CCDC150: variants seen among roughly 807,000 people sequenced by gnomAD.
The protein encoded by CCDC150 is coiled-coil domain containing 150, also known as coiled-coil domain-containing protein 150.
A neutral mutation model predicts 156.5 loss-of-function variants in CCDC150; 151 were observed. The observed-to-expected ratio is 0.97, with a 90% confidence interval of 0.85 to 1.10. CCDC150 has a LOEUF of 1.10. Ranked by LOEUF, CCDC150 falls within the 50% of genes least tolerant of loss-of-function variation. The pLI is 0.00. For missense variants in CCDC150, 1,312 were observed against 1,268.1 expected, an observed-to-expected ratio of 1.03 and a Z score of -0.53; for synonymous variants, 452 against 429.4, an observed-to-expected ratio of 1.05 and a Z score of -0.65.
At position 196,705,409 on chromosome 2, in the gene CCDC150, G is replaced by A. The variant is rs543403243; in HGVS notation, c.1695+4229G>A. Among the ~76,000 whole-genome samples the A allele has an allele frequency of 3.2e-4, 48 of 152,028 alleles. 1 individual carries two copies. The highest frequency in any genetic ancestry group is 8.3e-4 in the South Asian group (4 of 4,806). ...AACTTTTTGATGGGGTTGTTTTCTT[G>A]TAAATTTGTTTAAGTTCTTTGTAGA... On this transcript the variant is annotated intron_variant, in intron 15 of 27. Transcript: ENST00000389175.
intron 15 of CCDC150, among the ~76,000 whole-genome samples, chr2:196,710,542 G>C (rs1173870527): frequency 6.6e-6 from 1 of 152,166 alleles, no homozygotes; most frequent in Non-Finnish European, 1.5e-5. Flanking sequence ...AGATGAACCA[G>C]GTACCTCTGT....
At chr2:196,644,514 A>G (rs1692420782) in intron 1 of CCDC150, among the ~76,000 whole-genome samples, 1 of 151,484 alleles carries the variant, frequency 6.6e-6, no homozygotes, top group African/African-American at 2.4e-5. Flanking sequence ...GGAATACTAT[A>G]CTGGCTCATG....
chr2:196,689,683 A>C (rs1279768971), intron 13 of CCDC150, among the ~76,000 whole-genome samples: 1 of 151,590 alleles, frequency 6.6e-6, no homozygotes, highest in African/African-American at 2.4e-5. Flanking sequence ...CAATCATGTC[A>C]TCTGCAAACA....
chr2:196,676,333 T>A, intron 11 of CCDC150, 66 bp downstream of exon 11: 1 of 1,560,376 alleles, frequency 6.4e-7, no homozygotes, highest in South Asian at 1.2e-5. Context: ...TTATCATGTG[T>A]CCGTCTCAGT....
intron 3 of CCDC150, 40 bp downstream of exon 3, chr2:196,656,893 G>A (rs1212400356): frequency 6.2e-7 from 1 of 1,610,540 alleles, no homozygotes; most frequent in Non-Finnish European, 8.5e-7. Flanking sequence ...GTCCTGTATA[G>A]GTGCTTGATT....
intron 2 of CCDC150, among the ~76,000 whole-genome samples, chr2:196,653,595 A>G (rs1196906554): frequency 6.6e-6 from 1 of 152,094 alleles, no homozygotes. Context: ...CCTCATCAGT[A>G]TGTCCTCTGT....
chr2:196,669,233 A>G (rs1694049441), intron 7 of CCDC150, among the ~76,000 whole-genome samples: 2 of 152,206 alleles, frequency 1.3e-5, no homozygotes, highest in South Asian at 4.1e-4. Context: ...GTCAAAACAC[A>G]TAGAAAACTT....
chr2:196,650,987 A>AT, intron 2 of CCDC150, among the ~76,000 whole-genome samples: 1 of 151,970 alleles, frequency 6.6e-6, no homozygotes, highest in Non-Finnish European at 1.5e-5. Context: ...GCCTATTCAG[A>AT]TTTTCAGTTT....
chr2:196,657,104 A>G lies in CCDC150; in HGVS notation c.544A>G (p.Thr182Ala). Reference protein sequence around the residue: ...DKAQDEVQRLTATLKIASQTK... With the variant: ...DKAQDEVQRLAATLKIASQTK... ...GGCACAAGATGAGGTGCAAAGGTTG[A>G]CTGCCACTCTGAAGATTGCCTCGCA... Residue 182 changes from threonine to alanine, a missense_variant, in exon 4 of 28, where the codon ACT becomes GCT. Physicochemically the swap from Thr to Ala is moderately conservative, Grantham distance 58. Transcript: ENST00000389175. The G allele has an allele frequency of 6.2e-7, 1 of 1,613,788 alleles. No homozygotes were observed.
chr2:196,695,742 C>T (rs1198800314), intron 14 of CCDC150, among the ~76,000 whole-genome samples: 4 of 148,298 alleles, frequency 2.7e-5, no homozygotes, highest in East Asian at 4.1e-4. Flanking sequence ...ACTCGGGAGG[C>T]GGAGCTTGCA....
chr2:196,657,266 A>G, intron 4 of CCDC150, 130 bp downstream of exon 4: 1 of 888,576 alleles, frequency 1.1e-6, no homozygotes, highest in South Asian at 1.7e-5. Flanking sequence ...GACATTTGGC[A>G]TGTTGATTTG....
chr2:196,713,719 T>C (rs1242843688), intron 17 of CCDC150: 5 of 1,381,368 alleles, frequency 3.6e-6, no homozygotes, highest in East Asian at 2.6e-5. Context: ...TTAAGGAAGT[T>C]TTAAATTTAT....
chr2:196,701,704 A>G (rs1696223992), intron 15 of CCDC150, among the ~76,000 whole-genome samples: 1 of 152,210 alleles, frequency 6.6e-6, no homozygotes, highest in African/African-American at 2.4e-5. Context: ...CATTAGAATC[A>G]CTAGGCAGTT....
intron 13 of CCDC150, among the ~76,000 whole-genome samples, chr2:196,694,336 G>C (rs556924813): frequency 2.0e-5 from 3 of 152,082 alleles, no homozygotes; most frequent in African/African-American, 7.2e-5. Flanking sequence ...GATTACAGGC[G>C]TGAGCCACCG....
At chr2:196,677,864 C>A (rs1694605179) in intron 13 of CCDC150, among the ~76,000 whole-genome samples, 1 of 152,124 alleles carries the variant, frequency 6.6e-6, no homozygotes, top group Non-Finnish European at 1.5e-5. Flanking sequence ...GTGGTGGGCG[C>A]CTGTAATCCC....
rs147717356 is a variant in CCDC150 at position 196,650,936 on chromosome 2, CTT to C, written c.176+4436_176+4437del. On this transcript the variant is annotated intron_variant, in intron 2 of 27. Transcript: ENST00000389175. ...TGGGTTTTTATTTGATAGGAGGAAA[CTT>C]TTTGTTTATTACTGATTCAATCTTC... 7.1e-3 allele frequency among the ~76,000 whole-genome samples: 1,086 copies of C among 152,188 alleles called. 18 individuals are homozygous for C. Among genetic ancestry groups the C allele is most frequent in the African/African-American group, 0.025 (1,044 of 41,532 alleles).
Position 196,718,580 on chromosome 2 carries a change from T to A in CCDC150, c.1944T>A (p.Ser648Arg), listed in dbSNP as rs745664568. ...VKCRNAALKE[S>R]QKLKEDLEAV... ...GTCGTAATGCGGCCCTGAAAGAGAG[T>A]CAGAAGTTGAAAGAAGACCTCGAGG... Residue 648 changes from serine (S) to arginine (R), a missense_variant, in exon 18 of 28, where the codon AGT (serine) becomes AGA (arginine). Transcript: ENST00000389175. The A allele has an allele frequency of 1.2e-6, 2 of 1,613,268 alleles. No individual in the cohort carries two copies. Among genetic ancestry groups the A allele is most frequent in the Non-Finnish European group, 1.7e-6 (2 of 1,179,718 alleles).
chr2:196,722,028 C>T (rs1293785686), intron 21 of CCDC150, among the ~76,000 whole-genome samples: 1 of 152,156 alleles, frequency 6.6e-6, no homozygotes, highest in Non-Finnish European at 1.5e-5. Context: ...CTTATATGTC[C>T]TTTAAAGGCA....
intron 13 of CCDC150, among the ~76,000 whole-genome samples, chr2:196,687,692 G>GTA (rs1695200981): frequency 6.6e-6 from 1 of 152,124 alleles, no homozygotes; most frequent in Non-Finnish European, 1.5e-5. Context: ...GTTCTGAATA[G>GTA]TATTACCTAG....
Sources: allele counts gnomAD v4.1 joint callset (sites outside exome capture counted in the v4.1 genomes callset), GRCh38; gene constraint gnomAD v4.1.1; transcripts MANE v1.5; gene names NCBI Gene and HGNC (gene_info 2026-07-23, HGNC 2026-07-21).